Variants in STK39 observed in about 807,000 individuals in gnomAD.
STK39 encodes STE20/SPS1-related proline-alanine-rich protein kinase.
In STK39, 20 loss-of-function variants were observed where a neutral mutation model predicts 77.8. The ratio of observed to expected loss-of-function variants is 0.26; its 90% confidence interval spans 0.18 to 0.37. STK39 has a LOEUF of 0.37. Ranked by LOEUF, STK39 falls within the 10% of genes least tolerant of loss-of-function variation. The pLI is 1.00. For missense variants in STK39, 479 were observed against 656.5 expected, an observed-to-expected ratio of 0.73 and a Z score of 2.95; for synonymous variants, 246 against 234.1, an observed-to-expected ratio of 1.05 and a Z score of -0.47.
At chr2:168,053,688 C>T (rs938189461) in intron 14 of STK39, among the ~76,000 whole-genome samples, 1 of 152,184 alleles carries the variant, frequency 6.6e-6, no homozygotes, top group East Asian at 1.9e-4. Context: ...TTTTGCTTCC[C>T]TTATACCAAT....
Position 168,167,281 on chromosome 2 carries a change from A to G in STK39, c.430+18T>C. On this transcript the variant is annotated intron_variant, in intron 3 of 17. Coordinates refer to ENST00000355999, the MANE Select transcript of STK39 (RefSeq NM_013233.3). ...AGAGAAAACAAGCAAATAAATAACAACAACAAAATCCACTTACCTCCACTT... is the reference window on the plus strand; with the variant it reads ...AGAGAAAACAAGCAAATAAATAACAGCAACAAAATCCACTTACCTCCACTT... 1 of 1,602,662 alleles carries G rather than the reference A, an allele frequency of 6.2e-7. No homozygotes were observed. The highest frequency in any genetic ancestry group is 2.2e-5 in the East Asian group (1 of 44,674).
intron 5 of STK39, among the ~76,000 whole-genome samples, chr2:168,143,817 T>C (rs1389404516): frequency 6.6e-6 from 1 of 152,194 alleles, no homozygotes; most frequent in Non-Finnish European, 1.5e-5. Context: ...ATTCAGACAG[T>C]AAGCTCCAGC....
At chr2:168,101,715 G>C (rs764083650) in intron 10 of STK39, among the ~76,000 whole-genome samples, 9 of 151,980 alleles carry the variant, frequency 5.9e-5, no homozygotes, top group Non-Finnish European at 1.0e-4. Flanking sequence ...TCCAGCCTGG[G>C]CAACCGAGCA....
intron 3 of STK39, among the ~76,000 whole-genome samples, chr2:168,165,477 T>C (rs955656288): frequency 1.1e-4 from 16 of 152,286 alleles, no homozygotes; most frequent in Admixed American, 9.2e-4. Context: ...AGAGAATGCC[T>C]TAAGATCATC....
At chr2:168,001,656 A>G (rs534981696) in intron 16 of STK39, among the ~76,000 whole-genome samples, 1 of 152,270 alleles carries the variant, frequency 6.6e-6, no homozygotes, top group South Asian at 2.1e-4. Context: ...TAACTTTCAA[A>G]TTTTTTTGAT....
At chr2:168,044,779 G>C (rs1685196115) in intron 14 of STK39, among the ~76,000 whole-genome samples, 1 of 152,156 alleles carries the variant, frequency 6.6e-6, no homozygotes, top group Non-Finnish European at 1.5e-5. Context: ...ACTGCATGCT[G>C]GGCAAGGGTC....
chr2:168,004,100 T>A, intron 16 of STK39, among the ~76,000 whole-genome samples: 1 of 152,208 alleles, frequency 6.6e-6, no homozygotes, highest in East Asian at 1.9e-4. Flanking sequence ...CTCCCATACT[T>A]GAGAGCCTAA....
chr2:168,172,932 T>G (rs1688864389), intron 2 of STK39, among the ~76,000 whole-genome samples: 1 of 152,164 alleles, frequency 6.6e-6, no homozygotes, highest in African/African-American at 2.4e-5. Context: ...CCTGGGGAGC[T>G]TTGACAAATA....
At position 168,140,402 on chromosome 2, in the gene STK39, A is replaced by G. The variant is rs2105530553; in HGVS notation, c.739-12T>C. On this transcript the variant is annotated splice_polypyrimidine_tract_variant and intron_variant, in intron 6 of 17. Transcript: ENST00000355999. ...TCATAGCCTCTCACCTAAGAAAGAA[A>G]GCAGGAAAAAAACACAATCATACAG... 6.2e-7 allele frequency: 1 copy of G among 1,611,566 alleles called. No individual in the cohort carries two copies. Among genetic ancestry groups the G allele is most frequent in the Non-Finnish European group, 8.5e-7 (1 of 1,177,710 alleles).
At chr2:168,028,131 T>G (rs1008788962) in intron 14 of STK39, among the ~76,000 whole-genome samples, 1 of 152,128 alleles carries the variant, frequency 6.6e-6, no homozygotes, top group Admixed American at 6.5e-5. Context: ...TAAACAACCA[T>G]GGTGGACTCT....
intron 1 of STK39, among the ~76,000 whole-genome samples, chr2:168,210,433 C>G (rs1351690845): frequency 6.6e-6 from 1 of 152,170 alleles, no homozygotes; most frequent in Non-Finnish European, 1.5e-5. Context: ...AGAGATGTTG[C>G]AAACTTCATT....
At chr2:168,189,925 T>C (rs557682197) in intron 1 of STK39, among the ~76,000 whole-genome samples, 75 of 152,296 alleles carry the variant, frequency 4.9e-4, no homozygotes, top group African/African-American at 1.6e-3. Context: ...AAGAAAAAGA[T>C]TACTTCATTT....
intron 8 of STK39, among the ~76,000 whole-genome samples, chr2:168,131,041 T>C (rs994143555): frequency 6.6e-6 from 1 of 152,212 alleles, no homozygotes; most frequent in Admixed American, 6.5e-5. Flanking sequence ...AAATATTAGA[T>C]AATTTTAGGA....
intron 14 of STK39, among the ~76,000 whole-genome samples, chr2:168,055,248 TC>T (rs1685493808): frequency 1.3e-5 from 2 of 152,166 alleles, no homozygotes; most frequent in Admixed American, 6.5e-5. Flanking sequence ...GAATTATAAT[TC>T]CTCCTGAATA....
chr2:167,969,607 T>G (rs1574353319), intron 16 of STK39, among the ~76,000 whole-genome samples: 1 of 152,198 alleles, frequency 6.6e-6, no homozygotes, highest in Non-Finnish European at 1.5e-5. Context: ...CCAGAAAAAA[T>G]CTTATTCATC....
chr2:168,167,989 G>A (rs554903743), intron 2 of STK39, among the ~76,000 whole-genome samples: 2 of 152,318 alleles, frequency 1.3e-5, no homozygotes, highest in South Asian at 2.1e-4. Flanking sequence ...AGGGAAGAGA[G>A]CGGCAGGCGA....
chr2:168,139,430 A>ATATATATATATATATATATAT (rs1687923359), intron 7 of STK39, among the ~76,000 whole-genome samples: 2 of 150,858 alleles, frequency 1.3e-5, no homozygotes, highest in Admixed American at 6.6e-5. Flanking sequence ...ATATAAAAAC[A>ATATATATATATATATATATAT]ATAAAATGAA....
chr2:167,955,298 C>T lies in STK39; in HGVS notation c.*198G>A, dbSNP rs201403559. On this transcript the variant is annotated 3_prime_UTR_variant, in exon 18 of 18. Transcript: ENST00000355999. ...TACTGTGGATTGCTAGAGAATAAAG[C>T]AGAACTCGGAGTGTTGTAAGTTTTA... 1 of 508,330 alleles carries T rather than the reference C, an allele frequency of 2.0e-6. No individual in the cohort carries two copies. The highest frequency in any genetic ancestry group is 3.5e-6 in the Non-Finnish European group (1 of 283,066). 31.5% of individuals were successfully genotyped at this position (508,330 alleles called of 1,614,324 possible).
chr2:168,020,505 C>G (rs1684543127), intron 14 of STK39, among the ~76,000 whole-genome samples: 1 of 151,976 alleles, frequency 6.6e-6, no homozygotes, highest in Non-Finnish European at 1.5e-5. Context: ...ACCTCATGGG[C>G]TCCCTGAAAG....
Sources: gnomAD v4.1 joint callset for allele counts (sites outside exome capture counted in the v4.1 genomes callset) on GRCh38, gnomAD v4.1.1 for gene constraint, MANE v1.5 for transcripts, NCBI Gene and HGNC (gene_info 2026-07-23, HGNC 2026-07-21) for gene names.